NTRK2: variants seen among roughly 807,000 people sequenced by gnomAD.
NTRK2 encodes neurotrophic receptor tyrosine kinase 2.
In NTRK2, 13 loss-of-function variants were observed where a neutral mutation model predicts 94.5. The ratio of observed to expected loss-of-function variants is 0.14; its 90% confidence interval spans 0.09 to 0.22. NTRK2 has a LOEUF of 0.22. Among genes scored for constraint, NTRK2 ranks in the 10% least tolerant of loss-of-function variants. The pLI is 1.00. For synonymous variants in NTRK2, 372 were observed against 407.4 expected (o/e 0.91, Z 1.05); for missense variants, 639 against 1,071.2 (o/e 0.60, Z 5.63).
intron 12 of NTRK2, among the ~76,000 whole-genome samples, chr9:84,774,832 A>G (rs912066207): frequency 6.6e-6 from 1 of 152,232 alleles, no homozygotes; most frequent in Non-Finnish European, 1.5e-5. Flanking sequence ...GAATAATGAC[A>G]TACACCTTAC....
chr9:84,753,089 C>T (rs1049740087), intron 12 of NTRK2, among the ~76,000 whole-genome samples: 1 of 152,166 alleles, frequency 6.6e-6, no homozygotes, highest in African/African-American at 2.4e-5. Flanking sequence ...GATGTTTCCT[C>T]TTTTCCCTTT....
intron 12 of NTRK2, among the ~76,000 whole-genome samples, chr9:84,827,603 A>G (rs776423575): frequency 4.6e-5 from 7 of 152,238 alleles, no homozygotes; most frequent in East Asian, 1.9e-4. Context: ...TTTTGACTCA[A>G]TTGGGCCTGG....
chr9:84,962,867 C>T (rs982477996), intron 17 of NTRK2, among the ~76,000 whole-genome samples: 1 of 152,228 alleles, frequency 6.6e-6, no homozygotes, highest in African/African-American at 2.4e-5. Flanking sequence ...ATTTCCTTTT[C>T]TACCCTTATG....
chr9:84,938,509 C>T (rs543392069), intron 15 of NTRK2, among the ~76,000 whole-genome samples: 57 of 152,268 alleles, frequency 3.7e-4, no homozygotes, highest in African/African-American at 1.4e-3. Context: ...AACATCTGTA[C>T]TTGTCCTTTA....
intron 12 of NTRK2, 59 bp downstream of exon 12, chr9:84,752,144 T>A (rs1014547102): frequency 6.2e-6 from 8 of 1,286,824 alleles, no homozygotes; most frequent in African/African-American, 1.5e-5. Context: ...TTATGACTAA[T>A]GCTAATTACC....
At position 84,676,344 on chromosome 9, in the gene NTRK2, C is replaced by T. The variant is rs535064181; in HGVS notation, c.212+5384C>T. Among the ~76,000 whole-genome samples the T allele has an allele frequency of 1.7e-3, 266 of 152,270 alleles. 1 individual carries two copies. Among genetic ancestry groups the T allele is most frequent in the African/African-American group, 6.2e-3 (258 of 41,556 alleles). On this transcript the variant is annotated intron_variant, in intron 2 of 18. Coordinates refer to ENST00000277120, the MANE Select transcript of NTRK2 (RefSeq NM_006180.6). ...GTCTGGCAGTGTGTGAATCTGAAGACCTTTGGTGTCAGAGTGTTATGTGGA... is the reference window on the plus strand; with the variant it reads ...GTCTGGCAGTGTGTGAATCTGAAGATCTTTGGTGTCAGAGTGTTATGTGGA...
At chr9:84,778,988 C>G (rs1222331425) in intron 12 of NTRK2, among the ~76,000 whole-genome samples, 1 of 152,176 alleles carries the variant, frequency 6.6e-6, no homozygotes, top group African/African-American at 2.4e-5. Context: ...CTTTTCTTCT[C>G]CCAGCATTTA....
intron 12 of NTRK2, among the ~76,000 whole-genome samples, chr9:84,834,047 G>A (rs549987077): frequency 1.3e-5 from 2 of 152,212 alleles, no homozygotes; most frequent in African/African-American, 4.8e-5. Flanking sequence ...CTGTGTCTGT[G>A]GTGTTATACT....
intron 2 of NTRK2, 32 bp downstream of exon 2, chr9:84,670,992 C>T (rs199588564): frequency 3.8e-6 from 6 of 1,596,734 alleles, no homozygotes; most frequent in Non-Finnish European, 4.2e-6. Context: ...TCCTTTTTCT[C>T]CTTGCCCCTA....
At chr9:84,816,318 G>T (rs766075554) in intron 12 of NTRK2, among the ~76,000 whole-genome samples, 6 of 152,106 alleles carry the variant, frequency 3.9e-5, no homozygotes, top group Non-Finnish European at 7.4e-5. Flanking sequence ...TTGAAAACAG[G>T]ATGTAAAAGT....
rs566231304 is a variant in NTRK2, at chr9:84,739,623, T to C, written c.1160-2269T>C. On this transcript the variant is annotated intron_variant, in intron 9 of 18. Transcript: ENST00000277120. ...GGCTTGTCACTTTCTTATGGAGCTG[T>C]AGGTGTAAAAGCGATGGTGACCACA... Among the ~76,000 whole-genome samples the C allele has an allele frequency of 4.6e-5, 7 of 152,258 alleles. No homozygotes were observed. In the South Asian group the frequency reaches 1.2e-3, roughly 27 times the overall value.
intron 12 of NTRK2, among the ~76,000 whole-genome samples, chr9:84,833,666 G>A (rs775673324): frequency 2.7e-5 from 4 of 146,906 alleles, no homozygotes; most frequent in Non-Finnish European, 6.0e-5. Flanking sequence ...GAGGGAGGGG[G>A]CAGGGATCAC....
intron 17 of NTRK2, among the ~76,000 whole-genome samples, chr9:84,991,369 T>A (rs868304310): frequency 2.6e-5 from 4 of 152,186 alleles, no homozygotes; most frequent in Non-Finnish European, 4.4e-5. Context: ...TGTGGCGATA[T>A]GAACATTAGT....
chr9:84,759,469 G>A (rs927295385), intron 12 of NTRK2, among the ~76,000 whole-genome samples: 1 of 152,178 alleles, frequency 6.6e-6, no homozygotes, highest in Non-Finnish European at 1.5e-5. Context: ...TCCCACAACC[G>A]CAGCATGATT....
At chr9:84,849,336 A>C (rs2074635904) in intron 12 of NTRK2, among the ~76,000 whole-genome samples, 1 of 152,166 alleles carries the variant, frequency 6.6e-6, no homozygotes, top group Admixed American at 6.5e-5. Flanking sequence ...TCTGCCTAGA[A>C]GTGCTGGGTC....
At chr9:84,927,026 C>T (rs545572037) in intron 14 of NTRK2, among the ~76,000 whole-genome samples, 81 of 152,206 alleles carry the variant, frequency 5.3e-4, no homozygotes, top group African/African-American at 1.4e-3. Flanking sequence ...TTGTGCCTAT[C>T]GGCATCCCTT....
Position 84,738,714 on chromosome 9 carries a change from A to G in NTRK2, c.1160-3178A>G, listed in dbSNP as rs547817389. Among the ~76,000 whole-genome samples, 6 of 152,278 alleles carry G rather than the reference A, an allele frequency of 3.9e-5. No homozygotes were observed. In the East Asian group the frequency reaches 1.2e-3, roughly 29 times the overall value. On this transcript the variant is annotated intron_variant, in intron 9 of 18. Transcript: ENST00000277120. ...TGCCAGTCTAACTAAACCTTTGTAT[A>G]CTGAGAGGTGTTTATTTGTTGTGGT...
At chr9:84,782,787 T>C (rs1419169486) in intron 12 of NTRK2, among the ~76,000 whole-genome samples, 1 of 152,152 alleles carries the variant, frequency 6.6e-6, no homozygotes, top group African/African-American at 2.4e-5. Context: ...GCTGAAGTTG[T>C]CTATTAACTT....
At chr9:84,940,599 A>T (rs1178447368) in intron 15 of NTRK2, among the ~76,000 whole-genome samples, 1 of 152,190 alleles carries the variant, frequency 6.6e-6, no homozygotes, top group African/African-American at 2.4e-5. Flanking sequence ...CCATCCAGTC[A>T]TCTGAGGTGG....
Sources: gnomAD v4.1 joint callset for allele counts (sites outside exome capture counted in the v4.1 genomes callset) on GRCh38, gnomAD v4.1.1 for gene constraint, MANE v1.5 for transcripts, NCBI Gene and HGNC (gene_info 2026-07-23, HGNC 2026-07-21) for gene names.